CNTN5: variants seen among roughly 807,000 people sequenced by gnomAD.
The protein encoded by CNTN5 is contactin 5.
CNTN5 carries 77 observed loss-of-function variants against 129.1 expected under a neutral mutation model. The ratio of observed to expected loss-of-function variants is 0.60; its 90% CI spans 0.50 to 0.72. The LOEUF is 0.72. Ranked by LOEUF, CNTN5 falls within the 30% of genes least tolerant of loss-of-function variation. CNTN5 has a pLI of 0.00. For missense variants in CNTN5, 1,478 were observed against 1,328.8 expected, an observed-to-expected ratio of 1.11 and a Z score of -1.75; for synonymous variants, 509 against 465.6, an observed-to-expected ratio of 1.09 and a Z score of -1.20.
At chr11:100,229,020 G>A (rs903817191) in intron 16 of CNTN5, among the ~76,000 whole-genome samples, 9 of 152,158 alleles carry the variant, frequency 5.9e-5, no homozygotes, top group South Asian at 4.2e-4. Context: ...TTGCAAGTTC[G>A]CAGATCTTGA....
intron 1 of CNTN5, among the ~76,000 whole-genome samples, chr11:99,064,228 GTTC>G (rs1387839021): frequency 2.6e-5 from 4 of 152,044 alleles, no homozygotes; most frequent in Non-Finnish European, 4.4e-5. Context: ...CTGTCAATAT[GTTC>G]TTACTACTTT....
intron 2 of CNTN5, among the ~76,000 whole-genome samples, chr11:99,500,677 C>T (rs1475193248): frequency 1.3e-5 from 2 of 151,832 alleles, no homozygotes; most frequent in Non-Finnish European, 1.5e-5. Flanking sequence ...TTGTATATAT[C>T]TTAATTTATG....
intron 1 of CNTN5, among the ~76,000 whole-genome samples, chr11:99,288,051 G>C (rs548491545): frequency 6.6e-6 from 1 of 151,878 alleles, no homozygotes; most frequent in Non-Finnish European, 1.5e-5. Context: ...TGCTGCAGAT[G>C]TCTATGCTTA....
At chr11:99,124,903 A>T (rs1416383617) in intron 1 of CNTN5, among the ~76,000 whole-genome samples, 1 of 152,116 alleles carries the variant, frequency 6.6e-6, no homozygotes, top group Non-Finnish European at 1.5e-5. Flanking sequence ...ACAACCTCCT[A>T]AACTGAACCA....
intron 13 of CNTN5, among the ~76,000 whole-genome samples, chr11:100,173,987 T>C (rs1243254264): frequency 6.6e-6 from 1 of 152,112 alleles, no homozygotes; most frequent in Non-Finnish European, 1.5e-5. Flanking sequence ...TTGTCAATAC[T>C]GAACTAGAGA....
chr11:99,198,243 A>G (rs1859001908), intron 1 of CNTN5, among the ~76,000 whole-genome samples: 2 of 152,166 alleles, frequency 1.3e-5, no homozygotes. Flanking sequence ...TAGGATTGCA[A>G]GAAACAACTG....
chr11:99,599,951 T>C (rs1348296408), intron 3 of CNTN5, among the ~76,000 whole-genome samples: 7 of 152,130 alleles, frequency 4.6e-5, no homozygotes, highest in African/African-American at 1.7e-4. Context: ...TCATCTACTT[T>C]AAAAGTAAAG....
At chr11:100,259,483 C>A (rs1423114668) in intron 17 of CNTN5, among the ~76,000 whole-genome samples, 1 of 152,084 alleles carries the variant, frequency 6.6e-6, no homozygotes. Context: ...CCCAAATCAA[C>A]AAATGTACAT....
At chr11:99,911,033 C>G (rs368791142) in intron 6 of CNTN5, among the ~76,000 whole-genome samples, 4 of 152,090 alleles carry the variant, frequency 2.6e-5, no homozygotes, top group Middle Eastern at 3.4e-3. Flanking sequence ...AGTTGAAGGC[C>G]TCTCATGTTG....
intron 6 of CNTN5, among the ~76,000 whole-genome samples, chr11:99,885,265 G>A (rs1239252228): frequency 6.6e-6 from 1 of 151,912 alleles, no homozygotes; most frequent in African/African-American, 2.4e-5. Context: ...CTGGGCAAGA[G>A]GGCAAGATCC....
chr11:99,375,906 A>T (rs966778685), intron 2 of CNTN5, among the ~76,000 whole-genome samples: 8 of 152,224 alleles, frequency 5.3e-5, no homozygotes, highest in Non-Finnish European at 8.8e-5. Context: ...AAAATATTTT[A>T]AAAATTATAA....
chr11:99,782,807 C>T (rs1295459581), intron 3 of CNTN5, among the ~76,000 whole-genome samples: 1 of 151,880 alleles, frequency 6.6e-6, no homozygotes, highest in African/African-American at 2.4e-5. Context: ...CCCTTCCTTA[C>T]ACCTTATACA....
At chr11:99,895,005 A>C (rs1445297729) in intron 6 of CNTN5, among the ~76,000 whole-genome samples, 1 of 152,218 alleles carries the variant, frequency 6.6e-6, no homozygotes, top group Non-Finnish European at 1.5e-5. Context: ...AGCACTTCCT[A>C]TAAATATATA....
chr11:100,350,961 G>T, intron 24 of CNTN5, 91 bp downstream of exon 24: 1 of 980,706 alleles, frequency 1.0e-6, no homozygotes, highest in Non-Finnish European at 1.5e-6. Context: ...TAGATTTCAT[G>T]GTTCAGAGAT....
intron 1 of CNTN5, among the ~76,000 whole-genome samples, chr11:99,064,748 A>C (rs1411550729): frequency 6.6e-6 from 1 of 152,120 alleles, no homozygotes; most frequent in Non-Finnish European, 1.5e-5. Flanking sequence ...TTTTCATGCT[A>C]TCCACAAAGT....
intron 3 of CNTN5, among the ~76,000 whole-genome samples, chr11:99,568,160 C>T (rs1317108022): frequency 6.6e-6 from 1 of 152,078 alleles, no homozygotes; most frequent in Non-Finnish European, 1.5e-5. Context: ...ATGCAATGTA[C>T]ATCAAAAGTG....
intron 11 of CNTN5, 32 bp downstream of exon 11, chr11:100,070,592 G>GT (rs1181829124): frequency 6.2e-7 from 1 of 1,606,790 alleles, no homozygotes; most frequent in Admixed American, 1.7e-5. Flanking sequence ...CTGTTCTGCT[G>GT]TAATTTTAGC....
intron 17 of CNTN5, among the ~76,000 whole-genome samples, chr11:100,268,547 G>A (rs1950349326): frequency 6.6e-6 from 1 of 152,166 alleles, no homozygotes; most frequent in Admixed American, 6.6e-5. Context: ...ATGCTACTGA[G>A]ATGTCAAGTA....
At chr11:99,038,868 G>A (rs1863869620) in intron 1 of CNTN5, among the ~76,000 whole-genome samples, 2 of 151,372 alleles carry the variant, frequency 1.3e-5, no homozygotes, top group Non-Finnish European at 2.9e-5. Context: ...ATTATATTTG[G>A]ACTTCACCAC....
Sources: allele counts gnomAD v4.1 joint callset (sites outside exome capture counted in the v4.1 genomes callset), GRCh38; gene constraint gnomAD v4.1.1; transcripts MANE v1.5; gene names NCBI Gene and HGNC (gene_info 2026-07-23, HGNC 2026-07-21).